Variants in MAGOHB observed in about 807,000 individuals in gnomAD.
MAGOHB encodes mago homolog B, exon junction complex subunit.
MAGOHB carries 15 observed loss-of-function variants against 20.9 expected under a neutral mutation model. The ratio of observed to expected loss-of-function variants is 0.72; its 90% CI spans 0.48 to 1.11. The LOEUF (loss-of-function observed/expected upper bound fraction) is 1.11, where lower values mean the gene tolerates loss of function less well. MAGOHB is among the 50% of genes least tolerant of loss of function. The pLI, the probability that MAGOHB is intolerant of heterozygous loss-of-function variation, is 0.00. For synonymous variants in MAGOHB, 50 were observed against 57.9 expected (o/e 0.86, Z 0.62); for missense variants, 162 against 177.6 (o/e 0.91, Z 0.50).
At chr12:10,600,772 T>C (rs1400064019), downstream of MAGOHB, among the ~76,000 whole-genome samples, 2 of 152,224 alleles carry the variant, frequency 1.3e-5, no homozygotes, top group Non-Finnish European at 1.5e-5. Context: ...TCAGTCTTTT[T>C]CAATCTTCTG....
Position 10,609,912 on chromosome 12 carries a change from T to G in MAGOHB, c.183A>C (p.Glu61Asp), listed in dbSNP as rs1283928829. Reference sequence around the variant, plus strand: ...CACTGTCATCAATAATTCTCTTCAGTTCTTCCATTACACTCTTGTGCACAT... The same window carrying G: ...CACTGTCATCAATAATTCTCTTCAGGTCTTCCATTACACTCTTGTGCACAT... ...EAYVHKSVME[E>D]LKRIIDDSEI... The change falls in exon 3 of 5, where the codon GAA (glutamate) becomes GAC (aspartate). Residue 61 changes from glutamate (E) to aspartate (D), a missense_variant. Coordinates refer to ENST00000320756, the MANE Select transcript of MAGOHB (RefSeq NM_018048.5). 1 of 1,611,190 alleles carries G rather than the reference T, an allele frequency of 6.2e-7. No homozygotes were observed. The highest frequency in any genetic ancestry group is 1.7e-5 in the Admixed American group (1 of 59,726).
intron 1 of MAGOHB, chr12:10,612,623 C>G (rs934790394): frequency 3.7e-6 from 4 of 1,082,784 alleles, no homozygotes; most frequent in African/African-American, 1.7e-5. Flanking sequence ...TTAAATTTGT[C>G]TTACTCATTA....
chr12:10,603,414 C>T (rs1293887243), downstream of MAGOHB, among the ~76,000 whole-genome samples: 1 of 151,748 alleles, frequency 6.6e-6, no homozygotes, highest in East Asian at 1.9e-4. Context: ...CATTCAAATG[C>T]TCTAAGTTTA....
chr12:10,601,023 C>T (rs1865549117), downstream of MAGOHB, among the ~76,000 whole-genome samples: 1 of 152,150 alleles, frequency 6.6e-6, no homozygotes. Context: ...GGAATACTTG[C>T]TGCTGGGCAT....
Position 10,612,013 on chromosome 12 carries a change from A to C in MAGOHB, c.95-1333T>G, listed in dbSNP as rs554593944. Among the ~76,000 whole-genome samples the C allele has an allele frequency of 1.2e-3, 177 of 152,184 alleles. 2 individuals are homozygous for C. The Middle Eastern group carries it at 0.02, about 18-fold the overall frequency. Reference sequence around the variant, plus strand: ...AGATGAATTCAGGTAAATTTAGCTGAATTTATGGGGACGGTAAGGTTAAAT... The same window carrying C: ...AGATGAATTCAGGTAAATTTAGCTGCATTTATGGGGACGGTAAGGTTAAAT... On this transcript the variant is annotated intron_variant, in intron 1 of 4. Transcript: ENST00000320756.
chr12:10,606,984 A>C (rs1399109572), intron 4 of MAGOHB, among the ~76,000 whole-genome samples: 1 of 152,222 alleles, frequency 6.6e-6, no homozygotes, highest in African/African-American at 2.4e-5. Context: ...TTTTTGATGC[A>C]TATTACCAAA....
chr12:10,606,383 T>C lies in MAGOHB; in HGVS notation c.348-9A>G. ...GAAGGCCTTCAGGATCCCTAAAATT[T>C]AAAAAGGTAAAAGTTACTTTTTCTT... On this transcript the variant is annotated splice_polypyrimidine_tract_variant and intron_variant, in intron 4 of 4. Coordinates refer to ENST00000320756, the MANE Select transcript of MAGOHB (RefSeq NM_018048.5). 1 of 1,472,870 alleles carries C rather than the reference T, an allele frequency of 6.8e-7. No individual in the cohort carries two copies. Among genetic ancestry groups the C allele is most frequent in the Non-Finnish European group, 9.3e-7 (1 of 1,080,620 alleles). 91.2% of individuals were successfully genotyped at this position (1,472,870 alleles called of 1,614,324 possible).
intron 1 of MAGOHB, among the ~76,000 whole-genome samples, chr12:10,611,765 A>G (rs1252690153): frequency 6.7e-6 from 1 of 149,652 alleles, no homozygotes; most frequent in African/African-American, 2.5e-5. Context: ...AAAAAAAAAA[A>G]AAAAAAAAAA....
intron 1 of MAGOHB, among the ~76,000 whole-genome samples, chr12:10,612,221 A>G (rs1865758644): frequency 6.7e-6 from 1 of 149,628 alleles, no homozygotes; most frequent in Non-Finnish European, 1.5e-5. Flanking sequence ...ATAACATAAC[A>G]TAACATAACA....
chr12:10,608,080 T>C lies in MAGOHB; in HGVS notation c.265-144A>G, dbSNP rs7980420. The C allele has an allele frequency of 1.5e-3, 867 of 563,530 alleles. 5 individuals carry two copies. The African/African-American group carries it at 0.015, about 10-fold the overall frequency. 34.9% of individuals were successfully genotyped at this position (563,530 alleles called of 1,614,324 possible). On this transcript the variant is annotated intron_variant, in intron 3 of 4. Transcript: ENST00000320756. ...GTGGGGGGCGAGGGGGAAAGAAACA[T>C]GGTTTCTTAGATATAAACTATATCC... is the stretch of plus-strand genomic sequence containing the variant.
At position 10,613,520 on chromosome 12, in the gene MAGOHB, T is replaced by C. The variant is rs1865791974; in HGVS notation, c.13A>G (p.Ser5Gly). MAVA[S>G]DFYLRYYVGH... ...ACGTAGTAGCGCAGGTAGAAATCGC[T>C]AGCCACAGCCATTTTTGTACCCGGG... is the stretch of plus-strand genomic sequence containing the variant. The change falls in exon 1 of 5, where the codon AGC (serine) becomes GGC (glycine). Residue 5 changes from serine to glycine, a missense_variant. Coordinates refer to ENST00000320756, the MANE Select transcript of MAGOHB (RefSeq NM_018048.5). 5.0e-6 allele frequency: 8 copies of C among 1,613,862 alleles called. No individual in the cohort carries two copies. Among genetic ancestry groups the C allele is most frequent in the South Asian group, 3.3e-5 (3 of 91,082 alleles).
Position 10,613,537 on chromosome 12 carries a change from G to T in MAGOHB, c.-5C>A. On this transcript the variant is annotated 5_prime_UTR_variant, in exon 1 of 5. The change creates a premature stop within an existing upstream ORF in the 5' untranslated region. Coordinates refer to ENST00000320756, the MANE Select transcript of MAGOHB (RefSeq NM_018048.5). ...GAAATCGCTAGCCACAGCCATTTTT[G>T]TACCCGGGAAGCCCGCCGAAAACGC... is the stretch of plus-strand genomic sequence containing the variant. 1 of 1,609,772 alleles carries T rather than the reference G, an allele frequency of 6.2e-7. No homozygotes were observed. The highest frequency in any genetic ancestry group is 8.5e-7 in the Non-Finnish European group (1 of 1,176,084).
intron 3 of MAGOHB, 91 bp from the exon 4 acceptor site, chr12:10,608,027 G>A: frequency 1.4e-6 from 1 of 704,944 alleles, no homozygotes; most frequent in Non-Finnish European, 2.3e-6. Context: ...AATTTTAGTT[G>A]CAAGTTTTCT....
chr12:10,611,771 A>AAAAAAAAAAAAAAG (rs1555146555), intron 1 of MAGOHB, among the ~76,000 whole-genome samples: 18 of 93,088 alleles, frequency 1.9e-4, no homozygotes, highest in Non-Finnish European at 2.5e-4. Flanking sequence ...AAAAAAAAAA[A>AAAAAAAAAAAAAAG]AAAAGAAAAG....
intron 4 of MAGOHB, among the ~76,000 whole-genome samples, chr12:10,606,614 AACC>A (rs767633296): frequency 1.1e-4 from 16 of 152,080 alleles, no homozygotes; most frequent in East Asian, 3.8e-4. Flanking sequence ...TGATTGTAAT[AACC>A]ACATCATAAA....
At chr12:10,607,776 G>A (rs1591662944) in intron 4 of MAGOHB, 78 bp downstream of exon 4, 1 of 775,692 alleles carries the variant, frequency 1.3e-6, no homozygotes, top group East Asian at 2.6e-5. Flanking sequence ...AAATTATCTT[G>A]GCTAGCAAAC....
intron 2 of MAGOHB, 28 bp downstream of exon 2, chr12:10,610,594 A>G: frequency 5.8e-6 from 8 of 1,374,426 alleles, no homozygotes; most frequent in South Asian, 1.6e-5. Context: ...AAAAAAAAAA[A>G]AAAAAAAGAC....
At chr12:10,600,394 G>C (rs1865543056), downstream of MAGOHB, among the ~76,000 whole-genome samples, 1 of 149,938 alleles carries the variant, frequency 6.7e-6, no homozygotes, top group Non-Finnish European at 1.5e-5. Context: ...TATTTGGTCT[G>C]TACTTTTTTT....
chr12:10,602,195 C>T (rs192804543), downstream of MAGOHB, among the ~76,000 whole-genome samples: 2 of 152,342 alleles, frequency 1.3e-5, no homozygotes, highest in Non-Finnish European at 2.9e-5. Flanking sequence ...ATTGTCTCCT[C>T]TATCATAATA....
Sources: gnomAD v4.1 joint callset for allele counts (sites outside exome capture counted in the v4.1 genomes callset) on GRCh38, gnomAD v4.1.1 for gene constraint, MANE v1.5 for transcripts, NCBI Gene and HGNC (gene_info 2026-07-23, HGNC 2026-07-21) for gene names.